The following LRP1B variants were observed in gnomAD, a reference collection of about 807,000 sequenced individuals.
LRP1B encodes the protein LDL receptor related protein 1B.
Under a neutral mutation model 556.6 loss-of-function variants are expected in LRP1B, and 217 were observed. The observed-to-expected ratio is 0.39, with a 90% confidence interval of 0.35 to 0.44. The LOEUF is 0.44. LRP1B is among the 20% of genes least tolerant of loss of function. LRP1B has a pLI of 1.00. For synonymous variants in LRP1B, 2,047 were observed against 1,865.8 expected (o/e 1.10, Z -2.50); for missense variants, 5,053 against 5,620.8 (o/e 0.90, Z 3.23).
Position 141,435,272 on chromosome 2 carries a change from G to A in LRP1B, c.343+45124C>T, listed in dbSNP as rs750165860. ...ACTCCGTGTTGATGGATCCAAGTGT[G>A]GCTTTGAAAATGCTGTCAAATCCTG... is the stretch of plus-strand genomic sequence containing the variant. On this transcript the variant is annotated intron_variant, in intron 3 of 90. Coordinates refer to ENST00000389484, the MANE Select transcript of LRP1B (RefSeq NM_018557.3). Among the ~76,000 whole-genome samples, 214 of 152,178 alleles carry A rather than the reference G, an allele frequency of 1.4e-3. 1 individual carries two copies. The highest frequency in any genetic ancestry group is 2.6e-3 in the Non-Finnish European group (177 of 67,990).
At chr2:141,339,391 GAGATTA>G (rs1687971007) in intron 3 of LRP1B, among the ~76,000 whole-genome samples, 1 of 151,934 alleles carries the variant, frequency 6.6e-6, no homozygotes, top group South Asian at 2.1e-4. Flanking sequence ...TGATGGAATA[GAGATTA>G]AGTCTTGAGA....
intron 1 of LRP1B, among the ~76,000 whole-genome samples, chr2:141,953,826 T>C (rs183010694): frequency 9.6e-4 from 146 of 152,256 alleles, no homozygotes; most frequent in African/African-American, 3.3e-3. Context: ...AATTATTGGT[T>C]ACTTGTCATA....
intron 2 of LRP1B, among the ~76,000 whole-genome samples, chr2:141,731,624 T>C (rs1233507662): frequency 6.6e-6 from 1 of 152,168 alleles, no homozygotes; most frequent in Non-Finnish European, 1.5e-5. Context: ...CACATGCTAT[T>C]TCACAGCCTT....
At chr2:141,399,733 C>T (rs1376432589) in intron 3 of LRP1B, among the ~76,000 whole-genome samples, 1 of 152,124 alleles carries the variant, frequency 6.6e-6, no homozygotes, top group Non-Finnish European at 1.5e-5. Context: ...CTGTCATTGT[C>T]CTCGTTTGTG....
intron 6 of LRP1B, among the ~76,000 whole-genome samples, chr2:141,190,542 A>G (rs973023779): frequency 6.6e-5 from 10 of 151,982 alleles, no homozygotes; most frequent in African/African-American, 2.2e-4. Flanking sequence ...GGTATTAAAC[A>G]TTTATATGCC....
At chr2:141,147,422 G>C (rs1330930254) in intron 7 of LRP1B, among the ~76,000 whole-genome samples, 2 of 152,148 alleles carry the variant, frequency 1.3e-5, no homozygotes, top group East Asian at 3.9e-4. Context: ...AGAGTTGTAG[G>C]AAACCCTGTG....
chr2:141,818,470 C>A (rs1241681912), intron 1 of LRP1B, among the ~76,000 whole-genome samples: 2 of 150,328 alleles, frequency 1.3e-5, no homozygotes, highest in African/African-American at 2.4e-5. Flanking sequence ...ACCAATTCAA[C>A]ATGCACTTTT....
intron 20 of LRP1B, among the ~76,000 whole-genome samples, chr2:140,945,616 C>T (rs1326087351): frequency 6.6e-6 from 1 of 152,044 alleles, no homozygotes; most frequent in Non-Finnish European, 1.5e-5. Flanking sequence ...GGAAAGGACT[C>T]CGTATTCAAT....
intron 41 of LRP1B, chr2:140,683,723 C>T: frequency 1.3e-6 from 1 of 770,366 alleles, no homozygotes; most frequent in Non-Finnish European, 2.3e-6. Flanking sequence ...ACACTCTGTG[C>T]TCCCCGGGCT....
intron 3 of LRP1B, among the ~76,000 whole-genome samples, chr2:141,410,969 T>G (rs1428633723): frequency 2.0e-5 from 3 of 152,038 alleles, no homozygotes; most frequent in African/African-American, 7.2e-5. Context: ...TAAACTCTCC[T>G]AGCTATACAC....
At chr2:141,849,229 C>A (rs917636098) in intron 1 of LRP1B, among the ~76,000 whole-genome samples, 2 of 151,618 alleles carry the variant, frequency 1.3e-5, no homozygotes, top group Admixed American at 6.6e-5. Context: ...TAAGCAGATT[C>A]TCTTGGGTTT....
intron 55 of LRP1B, among the ~76,000 whole-genome samples, chr2:140,496,002 G>T (rs79950048): frequency 6.6e-6 from 1 of 152,098 alleles, no homozygotes; most frequent in African/African-American, 2.4e-5. Flanking sequence ...TGCTAAGGCC[G>T]TGTGGTTAGA....
intron 77 of LRP1B, among the ~76,000 whole-genome samples, chr2:140,344,248 T>G (rs559907502): frequency 6.6e-6 from 1 of 151,912 alleles, no homozygotes; most frequent in Non-Finnish European, 1.5e-5. Flanking sequence ...TTCTGACTGC[T>G]GGGTTGTGAG....
intron 2 of LRP1B, among the ~76,000 whole-genome samples, chr2:141,777,228 C>A (rs1052886224): frequency 6.6e-6 from 1 of 152,042 alleles, no homozygotes; most frequent in Non-Finnish European, 1.5e-5. Flanking sequence ...TGAGGGGCAC[C>A]TTTTGACATG....
chr2:141,756,316 G>C (rs1013931922), intron 2 of LRP1B, among the ~76,000 whole-genome samples: 15 of 151,918 alleles, frequency 9.9e-5, no homozygotes, highest in African/African-American at 3.6e-4. Flanking sequence ...CCAATAGAAG[G>C]GTTCTTGACT....
intron 24 of LRP1B, 60 bp from the exon 25 acceptor site, chr2:140,884,081 A>C: frequency 6.9e-7 from 1 of 1,451,512 alleles, no homozygotes; most frequent in Non-Finnish European, 9.6e-7. Context: ...AGCACAAAGG[A>C]AAAGGCCTTT....
intron 7 of LRP1B, among the ~76,000 whole-genome samples, chr2:141,152,402 A>T (rs1574130114): frequency 1.3e-5 from 2 of 152,042 alleles, no homozygotes; most frequent in African/African-American, 2.4e-5. Context: ...GTATCTGGAA[A>T]TAGAAAAAAA....
intron 33 of LRP1B, 55 bp from the exon 34 acceptor site, chr2:140,771,061 G>A (rs901055648): frequency 4.4e-6 from 6 of 1,357,814 alleles, no homozygotes; most frequent in Non-Finnish European, 5.0e-6. Flanking sequence ...AAAAAATAAA[G>A]TTTTATTTAA....
At chr2:141,291,130 T>C (rs1343447791) in intron 3 of LRP1B, among the ~76,000 whole-genome samples, 1 of 152,154 alleles carries the variant, frequency 6.6e-6, no homozygotes, top group Non-Finnish European at 1.5e-5. Flanking sequence ...ACTTTTAGAT[T>C]AGATATTTCT....
Sources: allele counts gnomAD v4.1 joint callset (sites outside exome capture counted in the v4.1 genomes callset), GRCh38; gene constraint gnomAD v4.1.1; transcripts MANE v1.5; gene names NCBI Gene and HGNC (gene_info 2026-07-23, HGNC 2026-07-21).